GPRC5A: variants seen among roughly 807,000 people sequenced by gnomAD.
The protein encoded by GPRC5A is retinoic acid-induced protein 3.
Under a neutral mutation model 22.5 loss-of-function variants are expected in GPRC5A, and 19 were observed. The observed-to-expected ratio is 0.85, with a 90% CI of 0.59 to 1.24. GPRC5A has a LOEUF of 1.24. Among genes scored for constraint, GPRC5A ranks in the 50% most tolerant of loss-of-function variants. The probability of loss-of-function intolerance (pLI) is 0.00; values close to 1 mark genes in which losing one functional copy is unlikely to be tolerated. For missense variants in GPRC5A, 471 were observed against 451.1 expected, an observed-to-expected ratio of 1.04 and a Z score of -0.40; for synonymous variants, 192 against 184.5, an observed-to-expected ratio of 1.04 and a Z score of -0.33.
intron 1 of GPRC5A, among the ~76,000 whole-genome samples, chr12:12,894,389 G>A (rs1212576352): frequency 6.6e-6 from 1 of 152,042 alleles, no homozygotes. Flanking sequence ...ATTGCCTTTG[G>A]GTTCTCCTTG....
intron 1 of GPRC5A, among the ~76,000 whole-genome samples, chr12:12,904,057 C>G (rs1346990380): frequency 6.6e-6 from 1 of 152,160 alleles, no homozygotes; most frequent in Admixed American, 6.5e-5. Context: ...AGGGAAATAC[C>G]TTTCCTGCTA....
chr12:12,893,017 G>A (rs1863780059), intron 1 of GPRC5A, among the ~76,000 whole-genome samples: 1 of 152,198 alleles, frequency 6.6e-6, no homozygotes. Context: ...GGGAAACAAG[G>A]GACCTCTCCA....
Position 12,914,549 on chromosome 12 carries a change from C to CTTCCTTCCTTCT in GPRC5A, c.*2013_*2014insCTTCCTTCTTTC, listed in dbSNP as rs58381355. On this transcript the variant is annotated 3_prime_UTR_variant, in exon 4 of 4. Coordinates refer to ENST00000014914, the MANE Select transcript of GPRC5A (RefSeq NM_003979.4). ...CTCTCTTTCCTTCCTTCCTTCCTTT[C>CTTCCTTCCTTCT]TTCTTTCTTTCTTTCTTTCTTTCTT... 4.0e-5 allele frequency: 2 copies of CTTCCTTCCTTCT among 50,570 alleles called. No individual in the cohort carries two copies. Among genetic ancestry groups the CTTCCTTCCTTCT allele is most frequent in the East Asian group, 4.7e-4 (1 of 2,116 alleles). 3.1% of individuals were successfully genotyped at this position (50,570 alleles called of 1,614,324 possible).
Position 12,908,821 on chromosome 12 carries a change from C to T in GPRC5A, c.572C>T (p.Thr191Ile), listed in dbSNP as rs1592351512. 1.2e-6 allele frequency: 2 copies of T among 1,614,004 alleles called. No homozygotes were observed. Among genetic ancestry groups the T allele is most frequent in the Admixed American group, 1.7e-5 (1 of 60,010 alleles). Reference sequence around the variant, plus strand: ...TACGTCCTCTTCTTGATGGCGCTGACCTTCCTCATGTCCTCCTTCACCTTC... The same window carrying T: ...TACGTCCTCTTCTTGATGGCGCTGATCTTCCTCATGTCCTCCTTCACCTTC... ...LTYVLFLMAL[T>I]FLMSSFTFCG... Residue 191 changes from threonine (T) to isoleucine (I), a missense_variant, in exon 2 of 4, where the codon ACC becomes ATC. Transcript: ENST00000014914.
chr12:12,900,943 AAAAC>A (rs1026518280), intron 1 of GPRC5A, among the ~76,000 whole-genome samples: 13 of 151,680 alleles, frequency 8.6e-5, no homozygotes, highest in African/African-American at 2.9e-4. Flanking sequence ...AAAAACCCAA[AAAAC>A]AAACAAACAA....
intron 1 of GPRC5A, among the ~76,000 whole-genome samples, chr12:12,892,662 C>T (rs558888398): frequency 1.3e-5 from 2 of 152,170 alleles, no homozygotes; most frequent in South Asian, 2.1e-4. Flanking sequence ...CCCCCGCGCC[C>T]GGCCACAGAT....
chr12:12,898,984 A>T (rs187306406), intron 1 of GPRC5A, among the ~76,000 whole-genome samples: 1 of 152,188 alleles, frequency 6.6e-6, no homozygotes, highest in Admixed American at 6.5e-5. Flanking sequence ...TGTCAGTGTG[A>T]TTATTATTCA....
rs1020772117 is a variant in GPRC5A at position 12,895,700 on chromosome 12, C to T, written c.-8+4036C>T. On this transcript the variant is annotated intron_variant, in intron 1 of 3. Coordinates refer to ENST00000014914, the MANE Select transcript of GPRC5A (RefSeq NM_003979.4). ...TTAAGATAGTATACTAGTAGAGGGC[C>T]GGCGCGGTGGCTCACACCTGTAATC... Among the ~76,000 whole-genome samples, 38 of 150,410 alleles carry T rather than the reference C, an allele frequency of 2.5e-4. No homozygotes were observed. In the East Asian group the frequency reaches 6.0e-3, roughly 24 times the overall value.
chr12:12,899,987 A>G (rs1399402662), intron 1 of GPRC5A, among the ~76,000 whole-genome samples: 1 of 152,132 alleles, frequency 6.6e-6, no homozygotes. Flanking sequence ...AACTCTACAC[A>G]CTTTCCCCAT....
rs75538834 is a variant in GPRC5A, at chr12:12,916,137, A to G, written c.*3598A>G. The G allele has an allele frequency of 8.5e-3, 1,481 of 174,584 alleles. 31 individuals carry two copies. The highest frequency in any genetic ancestry group is 0.034 in the African/African-American group (1,421 of 42,010). 10.8% of individuals were successfully genotyped at this position (174,584 alleles called of 1,614,324 possible). ...ACATCTGAGAATCAAACTGGAGAAC[A>G]TTCCGAAGCCGTTCTTATAAGTGTC... is the stretch of plus-strand genomic sequence containing the variant. On this transcript the variant is annotated 3_prime_UTR_variant, in exon 4 of 4. Coordinates refer to ENST00000014914, the MANE Select transcript of GPRC5A (RefSeq NM_003979.4).
rs1432708200 is a variant in GPRC5A at position 12,913,130 on chromosome 12, T to C, written c.*591T>C. The C allele has an allele frequency of 6.5e-6, 1 of 152,742 alleles. No individual in the cohort carries two copies. The highest frequency in any genetic ancestry group is 1.5e-5 in the Non-Finnish European group (1 of 68,164). 9.5% of individuals were successfully genotyped at this position (152,742 alleles called of 1,614,324 possible). On this transcript the variant is annotated 3_prime_UTR_variant, in exon 4 of 4. Transcript: ENST00000014914. ...CTGTGGCCCAGAGCAGACCTGCATA[T>C]CTGAGCAAAAATAGCAAAAGCCTCT...
At chr12:12,901,079 T>C (rs7313660) in intron 1 of GPRC5A, among the ~76,000 whole-genome samples, 79,631 of 151,780 alleles carry the variant, frequency 0.52, 21,729 homozygotes, top group East Asian at 0.94. Flanking sequence ...TGTGTGTTAA[T>C]TGTTAGCAGC....
chr12:12,911,396 G>A (rs959705699), intron 2 of GPRC5A, among the ~76,000 whole-genome samples: 12 of 152,086 alleles, frequency 7.9e-5, no homozygotes, highest in Admixed American at 5.2e-4. Context: ...TCCTTGTCAG[G>A]CAGTTGAAAT....
At chr12:12,899,983 A>C (rs1336693998) in intron 1 of GPRC5A, among the ~76,000 whole-genome samples, 1 of 152,190 alleles carries the variant, frequency 6.6e-6, no homozygotes, top group African/African-American at 2.4e-5. Context: ...AAGCAACTCT[A>C]CACACTTTCC....
intron 1 of GPRC5A, among the ~76,000 whole-genome samples, chr12:12,895,024 C>T (rs894757891): frequency 7.9e-5 from 12 of 151,558 alleles, no homozygotes; most frequent in East Asian, 1.9e-4. Context: ...GTGATCTGCC[C>T]GCCTCAGCCT....
chr12:12,898,004 C>A (rs1199217509), intron 1 of GPRC5A, among the ~76,000 whole-genome samples: 1 of 152,140 alleles, frequency 6.6e-6, no homozygotes, highest in Non-Finnish European at 1.5e-5. Flanking sequence ...ATCTTGTCTC[C>A]TCTTGAGGCT....
rs1458500508 is a variant in GPRC5A, at chr12:12,917,055, A to G, written c.*4516A>G. 6.6e-6 allele frequency: 1 copy of G among 152,132 alleles called. No individual in the cohort carries two copies. Among genetic ancestry groups the G allele is most frequent in the Non-Finnish European group, 1.5e-5 (1 of 68,028 alleles). 9.4% of individuals were successfully genotyped at this position (152,132 alleles called of 1,614,324 possible). A position where few individuals can be genotyped will look rare whatever the true frequency, so the allele number is the denominator to read the frequency against. On this transcript the variant is annotated 3_prime_UTR_variant, in exon 4 of 4. Coordinates refer to ENST00000014914, the MANE Select transcript of GPRC5A (RefSeq NM_003979.4). ...AATCCTTCTCGTGTGTTGACTGCTG[A>G]GATCCAGGAACTGGGAAATCAACCC...
At position 12,895,838 on chromosome 12, in the gene GPRC5A, A is replaced by AAAC. The variant is rs1304336533; in HGVS notation, c.-8+4176_-8+4177insCAA. Among the ~76,000 whole-genome samples the AAAC allele has an allele frequency of 8.7e-4, 129 of 147,532 alleles. 1 individual carries two copies. The highest frequency in any genetic ancestry group is 3.1e-3 in the African/African-American group (125 of 40,170). ...TAAAAATACAAAAAAAAAAAAAAAA[A>AAAC]AAAAATTAGCCGGGCGTGGTGGTGG... On this transcript the variant is annotated intron_variant, in intron 1 of 3. Transcript: ENST00000014914.
Position 12,908,909 on chromosome 12 carries a change from C to T in GPRC5A, c.660C>T (p.Ser220=), listed in dbSNP as rs752451846. 1.9e-6 allele frequency: 3 copies of T among 1,614,050 alleles called. No individual in the cohort carries two copies. The highest frequency in any genetic ancestry group is 1.1e-5 in the South Asian group (1 of 91,090). Reference sequence around the variant, plus strand: ...ACATCTACCTCACGATGCTCCTCTCCATTGCCATCTGGGTGGCCTGGATCA... The same window carrying T: ...ACATCTACCTCACGATGCTCCTCTCTATTGCCATCTGGGTGGCCTGGATCA... ...GAHIYLTMLL[S]IAIWVAWITL... The change falls in exon 2 of 4, where the codon TCC becomes TCT. Residue 220 remains serine (S), a synonymous_variant. Transcript: ENST00000014914.
Sources: allele counts gnomAD v4.1 joint callset (sites outside exome capture counted in the v4.1 genomes callset), GRCh38; gene constraint gnomAD v4.1.1; transcripts MANE v1.5; gene names NCBI Gene and HGNC (gene_info 2026-07-23, HGNC 2026-07-21).